The following OSBPL9 variants were observed in gnomAD, a reference collection of about 807,000 sequenced individuals.
The protein encoded by OSBPL9 is oxysterol-binding protein-related protein 9.
Under a neutral mutation model 106.6 loss-of-function variants are expected in OSBPL9, and 40 were observed. That is an observed-to-expected ratio of 0.38 (90% CI 0.29 to 0.49). The LOEUF is 0.49. OSBPL9 is among the 20% of genes least tolerant of loss of function. OSBPL9 has a pLI of 0.97. For synonymous variants in OSBPL9, 269 were observed against 295.4 expected, an observed-to-expected ratio of 0.91 and a Z score of 0.92; for missense variants, 609 against 887.2, an observed-to-expected ratio of 0.69 and a Z score of 3.98.
At chr1:51,746,417 GA>G (rs1358666259) in intron 5 of OSBPL9, among the ~76,000 whole-genome samples, 6 of 151,816 alleles carry the variant, frequency 4.0e-5, no homozygotes, top group African/African-American at 1.2e-4. Context: ...AAACAAAGCA[GA>G]AAAAAAACTT....
In OSBPL9 at chr1:51,624,285, A is replaced by G. The variant is rs553028828; in HGVS notation, c.111+7064A>G. Among the ~76,000 whole-genome samples the G allele has an allele frequency of 2.0e-4, 31 of 152,068 alleles. No homozygotes were observed. The South Asian group carries it at 6.5e-3, about 32-fold the overall frequency. ...GAATTATAAAAGGAACAAAAGAAAA[A>G]TTGTATCTAAATCTAAATGGGCTGG... On this transcript the variant is annotated intron_variant, in intron 1 of 23. Transcript: ENST00000428468.
In OSBPL9 at chr1:51,787,869, A is replaced by G; in HGVS notation, c.*80A>G. The G allele has an allele frequency of 7.9e-7, 1 of 1,270,528 alleles. No individual in the cohort carries two copies. Among genetic ancestry groups the G allele is most frequent in the South Asian group, 1.2e-5 (1 of 82,184 alleles). 78.7% of individuals were successfully genotyped at this position (1,270,528 alleles called of 1,614,324 possible). A position where few individuals can be genotyped will look rare whatever the true frequency, so the allele number is the denominator to read the frequency against. On this transcript the variant is annotated 3_prime_UTR_variant, in exon 24 of 24. Transcript: ENST00000428468. ...AACAAACAATCTTCCTTTGGGAGAA[A>G]CCTGTTCATTCCAATCTTCTAATTA...
the OSBPL9 span, among the ~76,000 whole-genome samples, chr1:51,536,112 C>T: frequency 6.6e-6 from 1 of 151,888 alleles, no homozygotes; most frequent in Admixed American, 6.6e-5. Context: ...ACCTACATAC[C>T]CACTCAGTAT....
intron 4 of OSBPL9, chr1:51,740,051 A>G (rs1190863899): frequency 4.0e-6 from 6 of 1,497,698 alleles, no homozygotes; most frequent in Admixed American, 2.1e-5. Flanking sequence ...GTAGTTACAG[A>G]TTTTTCTCTT....
rs139949133 is a variant in OSBPL9, at chr1:51,779,255, C to T, written c.1257-1909C>T. The stretch of plus-strand genomic sequence containing the variant: ...GAGAACCCAGAAATAAAGCCAAATA[C>T]AGCCAACTGATCTTTGACAAAGCAA... On this transcript the variant is annotated intron_variant, in intron 15 of 23. Transcript: ENST00000428468. Among the ~76,000 whole-genome samples the T allele has an allele frequency of 4.6e-5, 7 of 152,304 alleles. No homozygotes were observed. The East Asian group carries it at 1.3e-3, about 29-fold the overall frequency.
At chr1:51,786,201 G>A (rs1442057558) in intron 21 of OSBPL9, 1 of 443,476 alleles carries the variant, frequency 2.3e-6, no homozygotes, top group Non-Finnish European at 4.0e-6. Context: ...TAGGTATGTG[G>A]CGTATGTTTA....
chr1:51,567,417 T>A, the OSBPL9 span: 2 of 152,192 alleles, frequency 1.3e-5, no homozygotes. Flanking sequence ...AACCTAGGTG[T>A]CTCTAACTTG....
At chr1:51,770,990 C>G (rs1016220242) in intron 12 of OSBPL9, among the ~76,000 whole-genome samples, 1 of 151,942 alleles carries the variant, frequency 6.6e-6, no homozygotes, top group African/African-American at 2.4e-5. Flanking sequence ...TCAATGTAGG[C>G]TCATTGGTTG....
chr1:51,766,504 T>C (rs1170521869), intron 12 of OSBPL9, among the ~76,000 whole-genome samples: 3 of 152,310 alleles, frequency 2.0e-5, no homozygotes, highest in African/African-American at 7.2e-5. Flanking sequence ...CAGACATTTA[T>C]AATCTAATGA....
At chr1:51,664,010 G>C (rs775668940) in intron 2 of OSBPL9, among the ~76,000 whole-genome samples, 39 of 152,318 alleles carry the variant, frequency 2.6e-4, no homozygotes, top group Non-Finnish European at 4.4e-4. Flanking sequence ...AGTTGAAACT[G>C]TCGTATACCA....
chr1:51,520,060 CTT>C, the OSBPL9 span, among the ~76,000 whole-genome samples: 1 of 152,200 alleles, frequency 6.6e-6, no homozygotes, highest in Non-Finnish European at 1.5e-5. Flanking sequence ...TGCAAAGTAT[CTT>C]TTTCTCTTCC....
chr1:51,616,003 GTTTTTTTTTTTT>G (rs764823727), upstream of OSBPL9, among the ~76,000 whole-genome samples: 4 of 104,506 alleles, frequency 3.8e-5, no homozygotes, highest in South Asian at 3.6e-4. Context: ...AAATCCTTTG[GTTTTTTTTTTTT>G]TTTTTTTTTT....
intron 1 of OSBPL9, among the ~76,000 whole-genome samples, chr1:51,620,845 T>A (rs545300468): frequency 2.6e-5 from 4 of 152,232 alleles, no homozygotes; most frequent in East Asian, 1.9e-4. Flanking sequence ...TATAGAAATT[T>A]AAAAAAATAA....
chr1:51,583,307 G>C (rs1645231027), intron 1 of OSBPL9: 1 of 152,196 alleles, frequency 6.6e-6, no homozygotes, highest in South Asian at 2.1e-4. Context: ...AAGGGAGCTA[G>C]CGCTTACTGA....
At chr1:51,734,098 T>C (rs975710931) in intron 4 of OSBPL9, among the ~76,000 whole-genome samples, 1 of 152,178 alleles carries the variant, frequency 6.6e-6, no homozygotes, top group South Asian at 2.1e-4. Context: ...TAAATAAATA[T>C]ATGTGTCATG....
At chr1:51,596,642 T>C (rs1645301242) in intron 1 of OSBPL9, among the ~76,000 whole-genome samples, 1 of 149,406 alleles carries the variant, frequency 6.7e-6, no homozygotes. Flanking sequence ...TAGCCAGGCA[T>C]GGTGGCATGT....
chr1:51,576,613 A>T (rs1417471308), upstream of OSBPL9, among the ~76,000 whole-genome samples: 1 of 151,758 alleles, frequency 6.6e-6, no homozygotes, highest in Non-Finnish European at 1.5e-5. Context: ...CTGCAGCCTC[A>T]ATCTCCTGGG....
At chr1:51,523,085 C>T in the OSBPL9 span, among the ~76,000 whole-genome samples, 93 of 151,620 alleles carry the variant, frequency 6.1e-4, 1 homozygote, top group Admixed American at 5.9e-3. Flanking sequence ...AGTGAGACCT[C>T]GTCTCTATTT....
chr1:51,729,927 G>T lies in OSBPL9; in HGVS notation c.319-15609G>T. The T allele has an allele frequency of 7.7e-7, 1 of 1,303,750 alleles. No individual in the cohort carries two copies. Among genetic ancestry groups the T allele is most frequent in the Non-Finnish European group, 9.8e-7 (1 of 1,018,044 alleles). 80.8% of individuals were successfully genotyped at this position (1,303,750 alleles called of 1,614,324 possible). On this transcript the variant is annotated intron_variant, in intron 4 of 23. Coordinates refer to ENST00000428468, the MANE Select transcript of OSBPL9 (RefSeq NM_024586.6). This position sits in a 1 kb window ranked among gnomAD's most constrained non-coding sequence, Gnocchi z 5.1. ...GAAGAAAAAGGGGTGCTCGGGAGCAGCCCCCGGCTACCTCCCCTGGAGGCA... is the reference window on the plus strand; with the variant it reads ...GAAGAAAAAGGGGTGCTCGGGAGCATCCCCCGGCTACCTCCCCTGGAGGCA...
Sources: gnomAD v4.1 joint callset for allele counts (sites outside exome capture counted in the v4.1 genomes callset) on GRCh38, gnomAD v4.1.1 for gene constraint, Gnocchi (gnomAD v3.1) non-coding constraint, MANE v1.5 for transcripts, NCBI Gene and HGNC (gene_info 2026-07-23, HGNC 2026-07-21) for gene names.